CACNA2D3: variants seen among roughly 807,000 people sequenced by gnomAD.
The protein encoded by CACNA2D3 is voltage-dependent calcium channel subunit alpha-2/delta-3.
Under a neutral mutation model 160.6 loss-of-function variants are expected in CACNA2D3, and 60 were observed. That is an observed-to-expected ratio of 0.37 (90% CI 0.30 to 0.46). The LOEUF (loss-of-function observed/expected upper bound fraction) is 0.46. Ranked by LOEUF, CACNA2D3 falls within the 20% of genes least tolerant of loss-of-function variation. The pLI is 1.00. For missense variants in CACNA2D3, 1,205 were observed against 1,365.0 expected, an observed-to-expected ratio of 0.88 and a Z score of 1.85; for synonymous variants, 558 against 492.9, an observed-to-expected ratio of 1.13 and a Z score of -1.75.
At chr3:54,252,629 G>A (rs138424828) in intron 2 of CACNA2D3, among the ~76,000 whole-genome samples, 1 of 152,232 alleles carries the variant, frequency 6.6e-6, no homozygotes, top group East Asian at 1.9e-4. Context: ...TGCCTGCCCT[G>A]GCACATGGAA....
chr3:54,597,170 G>A (rs908832829), intron 9 of CACNA2D3, among the ~76,000 whole-genome samples: 3 of 152,090 alleles, frequency 2.0e-5, no homozygotes, highest in Admixed American at 1.3e-4. Flanking sequence ...TTTCATTAGG[G>A]TGAGGCCTTC....
intron 35 of CACNA2D3, among the ~76,000 whole-genome samples, chr3:55,062,744 G>A (rs1575458707): frequency 6.6e-6 from 1 of 152,160 alleles, no homozygotes; most frequent in African/African-American, 2.4e-5. Flanking sequence ...GCTTCTTAAT[G>A]TGTTTGACCT....
At chr3:54,615,466 A>C (rs1380262728) in intron 9 of CACNA2D3, among the ~76,000 whole-genome samples, 1 of 152,238 alleles carries the variant, frequency 6.6e-6, no homozygotes, top group African/African-American at 2.4e-5. Flanking sequence ...TTCATGACCA[A>C]CAAGTTATTT....
At chr3:55,020,475 A>G (rs965805237) in intron 35 of CACNA2D3, among the ~76,000 whole-genome samples, 3 of 150,142 alleles carry the variant, frequency 2.0e-5, no homozygotes, top group Non-Finnish European at 3.0e-5. Context: ...TACATACTTT[A>G]TATGTAGTAT....
chr3:54,708,942 C>A (rs1320726347), intron 11 of CACNA2D3, among the ~76,000 whole-genome samples: 1 of 151,438 alleles, frequency 6.6e-6, no homozygotes, highest in Non-Finnish European at 1.5e-5. Context: ...TAAGGTGAGG[C>A]CAATTTTAAA....
intron 4 of CACNA2D3, among the ~76,000 whole-genome samples, chr3:54,416,656 A>G (rs1699758954): frequency 6.6e-6 from 1 of 152,186 alleles, no homozygotes; most frequent in African/African-American, 2.4e-5. Context: ...ACACATTTTC[A>G]TATACTGACA....
At chr3:54,649,820 A>G (rs1156380254) in intron 11 of CACNA2D3, among the ~76,000 whole-genome samples, 1 of 152,244 alleles carries the variant, frequency 6.6e-6, no homozygotes, top group African/African-American at 2.4e-5. Flanking sequence ...CATTCAGTCC[A>G]TAACACTGTC....
chr3:54,337,766 C>T (rs982174144), intron 3 of CACNA2D3, among the ~76,000 whole-genome samples: 2 of 152,208 alleles, frequency 1.3e-5, no homozygotes, highest in African/African-American at 2.4e-5. Context: ...TCTTCACCCT[C>T]CTTTCTTCCA....
intron 27 of CACNA2D3, among the ~76,000 whole-genome samples, chr3:54,942,573 T>A (rs1467293004): frequency 6.6e-6 from 1 of 152,114 alleles, no homozygotes; most frequent in East Asian, 1.9e-4. Context: ...ACTTAAGTGG[T>A]GCTAAAGATG....
chr3:55,009,774 G>C (rs1401602317), intron 34 of CACNA2D3, among the ~76,000 whole-genome samples: 2 of 152,216 alleles, frequency 1.3e-5, no homozygotes, highest in Non-Finnish European at 2.9e-5. Flanking sequence ...CACTGCCTGT[G>C]TCTCAGGCTA....
chr3:54,707,825 A>G (rs1700886039), intron 11 of CACNA2D3, among the ~76,000 whole-genome samples: 1 of 152,200 alleles, frequency 6.6e-6, no homozygotes, highest in African/African-American at 2.4e-5. Context: ...ACTTCAGCAG[A>G]GGAGTGAGAA....
intron 13 of CACNA2D3, among the ~76,000 whole-genome samples, chr3:54,778,244 T>C (rs1458931512): frequency 6.6e-6 from 1 of 152,110 alleles, no homozygotes; most frequent in Non-Finnish European, 1.5e-5. Context: ...TCAGCAGCAA[T>C]GATCCAGTCA....
chr3:54,554,190 C>T (rs367834660), intron 5 of CACNA2D3, among the ~76,000 whole-genome samples: 1 of 152,164 alleles, frequency 6.6e-6, no homozygotes, highest in East Asian at 1.9e-4. Context: ...TCTTTGACCA[C>T]CCAATTTGGG....
At chr3:55,025,616 A>G (rs1703549016) in intron 35 of CACNA2D3, among the ~76,000 whole-genome samples, 1 of 142,746 alleles carries the variant, frequency 7.0e-6, no homozygotes, top group African/African-American at 2.6e-5. Flanking sequence ...CCTGGGTGAC[A>G]GAATGAGACT....
chr3:54,821,648 C>CT (rs754126074), intron 14 of CACNA2D3, among the ~76,000 whole-genome samples: 3 of 45,602 alleles, frequency 6.6e-5, no homozygotes, highest in African/African-American at 1.6e-4. Context: ...TTCGTTCTTT[C>CT]TTTCTTTCTT....
At chr3:54,522,933 T>TTACTTACTTAC (rs1559503842) in intron 5 of CACNA2D3, among the ~76,000 whole-genome samples, 2,581 of 135,350 alleles carry the variant, frequency 0.019, 92 homozygotes, top group African/African-American at 0.065. Context: ...TATTTATTTA[T>TTACTTACTTAC]TTACTTACTT....
chr3:54,500,053 C>G (rs1205203649), intron 4 of CACNA2D3, among the ~76,000 whole-genome samples: 1 of 152,074 alleles, frequency 6.6e-6, no homozygotes, highest in African/African-American at 2.4e-5. Flanking sequence ...GTCTTTGTTT[C>G]ATGTATTTTA....
chr3:54,809,596 G>A (rs527391121), intron 13 of CACNA2D3, among the ~76,000 whole-genome samples: 1 of 140,548 alleles, frequency 7.1e-6, no homozygotes, highest in Non-Finnish European at 1.5e-5. Context: ...GGGATTACAG[G>A]CGTGAGCCAC....
chr3:54,624,252 G>A (rs1310170885), intron 9 of CACNA2D3, among the ~76,000 whole-genome samples: 1 of 152,130 alleles, frequency 6.6e-6, no homozygotes, highest in East Asian at 1.9e-4. Context: ...CTGTAAAAAA[G>A]CAACCATTGC....
Sources: allele counts gnomAD v4.1 joint callset (sites outside exome capture counted in the v4.1 genomes callset), GRCh38; gene constraint gnomAD v4.1.1; transcripts MANE v1.5; gene names NCBI Gene and HGNC (gene_info 2026-07-23, HGNC 2026-07-21).